The following TMEM38A variants were observed in gnomAD, a reference collection of about 807,000 sequenced individuals.
TMEM38A encodes trimeric intracellular cation channel type A.
A neutral mutation model predicts 28.6 loss-of-function variants in TMEM38A; 17 were observed. The observed-to-expected ratio is 0.60, with a 90% CI of 0.41 to 0.89. The LOEUF (loss-of-function observed/expected upper bound fraction) is 0.89, where lower values mean the gene tolerates loss of function less well. TMEM38A is among the 40% of genes least tolerant of loss of function. The pLI is 0.00. For missense variants in TMEM38A, 328 were observed against 393.1 expected (o/e 0.83, Z 1.40); for synonymous variants, 169 against 166.1 (o/e 1.02, Z -0.14).
chr19:16,678,008 G>T (rs544821129), intron 1 of TMEM38A, among the ~76,000 whole-genome samples: 2 of 152,148 alleles, frequency 1.3e-5, no homozygotes, highest in South Asian at 4.1e-4. Flanking sequence ...GTAGAATGGT[G>T]CCAGGGGCTA....
chr19:16,675,927 C>T (rs1184659147), intron 1 of TMEM38A, among the ~76,000 whole-genome samples: 5 of 152,088 alleles, frequency 3.3e-5, no homozygotes, highest in South Asian at 2.1e-4. Context: ...CTATCACAAG[C>T]GGGGAGGGGT....
chr19:16,681,932 T>G (rs900249305), intron 3 of TMEM38A, among the ~76,000 whole-genome samples: 8 of 152,150 alleles, frequency 5.3e-5, no homozygotes, highest in African/African-American at 1.9e-4. Context: ...TTCCAGAAAT[T>G]TAATCATTCT....
intron 1 of TMEM38A, among the ~76,000 whole-genome samples, chr19:16,669,361 C>A (rs1429569762): frequency 6.6e-6 from 1 of 151,630 alleles, no homozygotes; most frequent in African/African-American, 2.4e-5. Flanking sequence ...TGCCCGCCAC[C>A]ATGCCCAGCT....
intron 1 of TMEM38A, 95 bp from the exon 2 acceptor site, chr19:16,679,889 G>A: frequency 7.4e-7 from 1 of 1,350,296 alleles, no homozygotes; most frequent in Non-Finnish European, 9.9e-7. Context: ...TGTTGGGTGG[G>A]CGCTCTGGAT....
At chr19:16,663,875 A>G (rs2086692831) in intron 1 of TMEM38A, among the ~76,000 whole-genome samples, 1 of 150,050 alleles carries the variant, frequency 6.7e-6, no homozygotes, top group African/African-American at 2.5e-5. Context: ...ACCCCCCACC[A>G]ATTGAATCAG....
At chr19:16,673,241 C>G (rs1439475348) in intron 1 of TMEM38A, among the ~76,000 whole-genome samples, 1 of 152,092 alleles carries the variant, frequency 6.6e-6, no homozygotes, top group Non-Finnish European at 1.5e-5. Flanking sequence ...GCCACCATGC[C>G]TGGCTAATTT....
intron 5 of TMEM38A, among the ~76,000 whole-genome samples, chr19:16,687,643 AT>A (rs2086807210): frequency 6.6e-6 from 1 of 152,198 alleles, no homozygotes; most frequent in Non-Finnish European, 1.5e-5. Context: ...GATAGGCAGC[AT>A]CTCACTGTGT....
chr19:16,682,841 CG>C (rs1461597896), intron 4 of TMEM38A, among the ~76,000 whole-genome samples: 2 of 152,072 alleles, frequency 1.3e-5, no homozygotes, highest in Admixed American at 6.6e-5. Context: ...GCTGGGTGTG[CG>C]GGGTCAGGGT....
chr19:16,680,119 T>C lies in TMEM38A; in HGVS notation c.260T>C (p.Ile87Thr). The part of the protein sequence containing the change: ...LIDYFSNNSS[I>T]LLASAVWYLI... ...GATTACTTCAGCAACAACTCCAGCA[T>C]CCTGCTGGCCTCAGCTGTCTGGTAA... The change falls in exon 2 of 6, where the codon ATC becomes ACC. Residue 87 changes from isoleucine (I) to threonine (T), a missense_variant. Coordinates refer to ENST00000187762, the MANE Select transcript of TMEM38A (RefSeq NM_024074.4). 2 of 1,609,530 alleles carry C rather than the reference T, an allele frequency of 1.2e-6. No homozygotes were observed. Among genetic ancestry groups the C allele is most frequent in the East Asian group, 2.2e-5 (1 of 44,882 alleles).
intron 4 of TMEM38A, 151 bp downstream of exon 4, chr19:16,682,659 C>T (rs546440364): frequency 1.4e-6 from 1 of 700,634 alleles, no homozygotes; most frequent in Admixed American, 2.3e-5. Flanking sequence ...AAGCTCAAAG[C>T]AGAGCCATAG....
At chr19:16,662,909 C>T (rs549750245) in intron 1 of TMEM38A, among the ~76,000 whole-genome samples, 65 of 152,124 alleles carry the variant, frequency 4.3e-4, no homozygotes, top group Non-Finnish European at 6.6e-4. Context: ...CTAGCATGAA[C>T]ATGGGGCTAT....
chr19:16,670,682 TAATCCCAGCACTCTGG>T (rs2086723516), intron 1 of TMEM38A, among the ~76,000 whole-genome samples: 1 of 151,162 alleles, frequency 6.6e-6, no homozygotes, highest in African/African-American at 2.4e-5. Context: ...CTCATGCCTG[TAATCCCAGCACTCTGG>T]GAGGCCGAGG....
At chr19:16,673,143 G>A (rs749350520) in intron 1 of TMEM38A, among the ~76,000 whole-genome samples, 4 of 152,040 alleles carry the variant, frequency 2.6e-5, no homozygotes, top group Non-Finnish European at 5.9e-5. Flanking sequence ...GTGCAGTGGC[G>A]CAATCTTGGC....
intron 1 of TMEM38A, among the ~76,000 whole-genome samples, chr19:16,665,165 A>G (rs1038114457): frequency 7.9e-5 from 12 of 152,042 alleles, no homozygotes; most frequent in African/African-American, 2.9e-4. Context: ...GTGGTGGCAC[A>G]TGCCTGTAAT....
chr19:16,665,772 C>A (rs1316646836), intron 1 of TMEM38A, among the ~76,000 whole-genome samples: 1 of 150,414 alleles, frequency 6.6e-6, no homozygotes, highest in Non-Finnish European at 1.5e-5. Flanking sequence ...CTGGCATTTT[C>A]TGGGTCAGGC....
chr19:16,661,837 G>A lies in TMEM38A; in HGVS notation c.124+496G>A, dbSNP rs1316333372. Among the ~76,000 whole-genome samples the A allele has an allele frequency of 6.6e-6, 1 of 152,042 alleles. No homozygotes were observed. Among genetic ancestry groups the A allele is most frequent in the Non-Finnish European group, 1.5e-5 (1 of 67,998 alleles). On this transcript the variant is annotated intron_variant, in intron 1 of 5. Transcript: ENST00000187762. The surrounding 1 kb of genome is among the most constrained non-coding windows in gnomAD (Gnocchi z 6.5). ...AGTGACACCGGTTCTCCTCCCCACT[G>A]CAACTGCCCAGCACCCTCCACTCCC...
In TMEM38A at chr19:16,689,515, C is replaced by A. The variant is rs764213238; in HGVS notation, c.*1144C>A. ...AGGCTTGTGATCTGTTCGTCTCAGG[C>A]TCCCCCTAAACCAAAGAAATGGAAA... On this transcript the variant is annotated 3_prime_UTR_variant, in exon 6 of 6. Transcript: ENST00000187762. The A allele has an allele frequency of 6.6e-6, 1 of 152,212 alleles. No homozygotes were observed. The highest frequency in any genetic ancestry group is 2.1e-4 in the South Asian group (1 of 4,826). The allele number at this position is 152,212 out of a possible 1,614,324, so 9.4% of individuals were successfully genotyped here.
intron 1 of TMEM38A, among the ~76,000 whole-genome samples, chr19:16,674,389 CAAAA>C (rs535347473): frequency 1.0e-4 from 9 of 87,186 alleles, no homozygotes; most frequent in Non-Finnish European, 1.7e-4. Flanking sequence ...CTCTTGTCTC[CAAAA>C]AAAAAAAAAA....
rs905862740 is a variant in TMEM38A at position 16,661,447 on chromosome 19, G to A, written c.124+106G>A. 1.3e-4 allele frequency: 138 copies of A among 1,036,156 alleles called. 1 individual carries two copies. Among genetic ancestry groups the A allele is most frequent in the Non-Finnish European group, 1.8e-4 (133 of 750,804 alleles). The allele number at this position is 1,036,156 out of a possible 1,614,324, so 64.2% of individuals were successfully genotyped here. Reference sequence around the variant, plus strand: ...GCCCGTGCGTGGTGGAGGGAGCGAGGGACAGGTTCAAGGATTGCATCGTGG... The same window carrying A: ...GCCCGTGCGTGGTGGAGGGAGCGAGAGACAGGTTCAAGGATTGCATCGTGG... On this transcript the variant is annotated intron_variant, in intron 1 of 5. Coordinates refer to ENST00000187762, the MANE Select transcript of TMEM38A (RefSeq NM_024074.4). This position sits in a 1 kb window ranked among gnomAD's most constrained non-coding sequence, Gnocchi z 6.5.
Sources: allele counts gnomAD v4.1 joint callset (sites outside exome capture counted in the v4.1 genomes callset), GRCh38; gene constraint gnomAD v4.1.1; non-coding constraint Gnocchi (gnomAD v3.1); transcripts MANE v1.5; gene names NCBI Gene and HGNC (gene_info 2026-07-23, HGNC 2026-07-21).